CDK14: variants seen among roughly 807,000 people sequenced by gnomAD.
CDK14 encodes the protein cyclin-dependent kinase 14.
A neutral mutation model predicts 60.7 loss-of-function variants in CDK14; 34 were observed. The observed-to-expected ratio is 0.56, with a 90% CI of 0.43 to 0.75. CDK14 has a LOEUF of 0.75. Among genes scored for constraint, CDK14 ranks in the 30% least tolerant of loss-of-function variants. The probability of loss-of-function intolerance (pLI) is 0.00; values close to 1 mark genes in which losing one functional copy is unlikely to be tolerated. For synonymous variants in CDK14, 197 were observed against 203.7 expected, an observed-to-expected ratio of 0.97 and a Z score of 0.28; for missense variants, 482 against 564.1, an observed-to-expected ratio of 0.85 and a Z score of 1.47.
chr7:90,987,278 C>A (rs1249940197), intron 10 of CDK14, among the ~76,000 whole-genome samples: 2 of 151,898 alleles, frequency 1.3e-5, no homozygotes, highest in Admixed American at 1.3e-4. Context: ...ATAAATAAAT[C>A]ATTTTAAATT....
At chr7:90,811,318 C>G (rs564238634) in intron 5 of CDK14, among the ~76,000 whole-genome samples, 41 of 151,864 alleles carry the variant, frequency 2.7e-4, no homozygotes, top group Non-Finnish European at 5.2e-4. Context: ...CGCCGCATAT[C>G]TACAACTATC....
chr7:90,890,626 A>G (rs1455025085), intron 6 of CDK14, among the ~76,000 whole-genome samples: 2 of 152,248 alleles, frequency 1.3e-5, no homozygotes, highest in Non-Finnish European at 2.9e-5. Flanking sequence ...AAAGCATAAC[A>G]GGGAAAAGTG....
chr7:90,956,138 G>A (rs907040901), intron 9 of CDK14, among the ~76,000 whole-genome samples: 3 of 152,038 alleles, frequency 2.0e-5, no homozygotes, highest in African/African-American at 7.2e-5. Context: ...ATCTCCAGAC[G>A]GCAACAGGAT....
chr7:90,666,936 G>A (rs1170554415), intron 2 of CDK14, among the ~76,000 whole-genome samples: 2 of 152,138 alleles, frequency 1.3e-5, no homozygotes, highest in Non-Finnish European at 2.9e-5. Flanking sequence ...AGAGAGAAGA[G>A]GACAATGAAT....
intron 2 of CDK14, among the ~76,000 whole-genome samples, chr7:90,643,293 TTAG>T (rs1395317291): frequency 6.6e-6 from 1 of 152,248 alleles, no homozygotes; most frequent in Non-Finnish European, 1.5e-5. Flanking sequence ...AATTTATTCA[TTAG>T]TACATTTGGT....
At chr7:90,810,164 C>CA (rs993262211) in intron 5 of CDK14, among the ~76,000 whole-genome samples, 7 of 151,932 alleles carry the variant, frequency 4.6e-5, no homozygotes, top group African/African-American at 1.7e-4. Flanking sequence ...AGAGACACAA[C>CA]AAAAAAAGAG....
intron 5 of CDK14, among the ~76,000 whole-genome samples, chr7:90,826,963 G>A (rs1239083983): frequency 5.2e-5 from 1 of 19,284 alleles, no homozygotes; most frequent in East Asian, 0.033. Flanking sequence ...AGTGCATGAT[G>A]TATTTACATA....
intron 6 of CDK14, among the ~76,000 whole-genome samples, chr7:90,884,111 T>C (rs1050551939): frequency 1.3e-5 from 2 of 152,086 alleles, no homozygotes; most frequent in Non-Finnish European, 2.9e-5. Flanking sequence ...GAGAAAGAAA[T>C]AAAGGGTATT....
chr7:90,739,637 G>A (rs1442316862), intron 3 of CDK14, among the ~76,000 whole-genome samples: 1 of 152,102 alleles, frequency 6.6e-6, no homozygotes, highest in Non-Finnish European at 1.5e-5. Context: ...CTTACTCTAA[G>A]TAGTCATTAG....
chr7:90,881,994 TA>T (rs1791771072), intron 6 of CDK14, among the ~76,000 whole-genome samples: 1 of 151,910 alleles, frequency 6.6e-6, no homozygotes, highest in South Asian at 2.1e-4. Context: ...CACCAAAATA[TA>T]AAGACCAATG....
chr7:90,709,347 T>A, intron 2 of CDK14: 3 of 1,205,438 alleles, frequency 2.5e-6, no homozygotes, highest in East Asian at 2.9e-5. Context: ...CTCAGGACAC[T>A]TACTGGCTTT....
At chr7:90,675,193 A>G (rs1411459183) in intron 2 of CDK14, among the ~76,000 whole-genome samples, 1 of 151,918 alleles carries the variant, frequency 6.6e-6, no homozygotes, top group East Asian at 1.9e-4. Flanking sequence ...CCTTTCCTAT[A>G]TAGTAGGGAT....
At chr7:90,772,930 T>C (rs1272881998) in intron 4 of CDK14, among the ~76,000 whole-genome samples, 1 of 152,200 alleles carries the variant, frequency 6.6e-6, no homozygotes, top group African/African-American at 2.4e-5. Flanking sequence ...GACACACATG[T>C]TGAAGAATTT....
Position 90,876,192 on chromosome 7 carries a change from A to G in CDK14, c.639+12923A>G, listed in dbSNP as rs112010821. 8.6e-3 allele frequency among the ~76,000 whole-genome samples: 1,305 copies of G among 152,288 alleles called. 29 individuals are homozygous for G. The highest frequency in any genetic ancestry group is 0.029 in the African/African-American group (1,222 of 41,552). On this transcript the variant is annotated intron_variant, in intron 6 of 14. Transcript: ENST00000380050. The stretch of plus-strand genomic sequence containing the variant: ...AAGTCATATTGTTGAGAAACCCTCA[A>G]TGCCAGTATCCGTCTTTCCTGTGAT...
At chr7:90,763,487 G>T (rs1486168356) in intron 4 of CDK14, among the ~76,000 whole-genome samples, 3 of 152,128 alleles carry the variant, frequency 2.0e-5, no homozygotes, top group Non-Finnish European at 4.4e-5. Context: ...ATAGAGTTTG[G>T]TTTTTATTCT....
chr7:90,792,923 C>T (rs747683227), intron 5 of CDK14, among the ~76,000 whole-genome samples: 1 of 152,186 alleles, frequency 6.6e-6, no homozygotes, highest in Non-Finnish European at 1.5e-5. Flanking sequence ...ATGCTCTTCC[C>T]TGGCTCTTTT....
intron 11 of CDK14, among the ~76,000 whole-genome samples, chr7:91,054,370 G>C (rs1272197545): frequency 6.6e-6 from 1 of 152,028 alleles, no homozygotes; most frequent in Non-Finnish European, 1.5e-5. Context: ...AGGGTATTTA[G>C]AGCTCTCCCC....
intron 10 of CDK14, among the ~76,000 whole-genome samples, chr7:90,992,772 C>G (rs1795576884): frequency 6.6e-6 from 1 of 152,116 alleles, no homozygotes; most frequent in African/African-American, 2.4e-5. Context: ...GAACATTCTC[C>G]CATGTATTGA....
At chr7:90,771,480 GA>G (rs1804781069) in intron 4 of CDK14, among the ~76,000 whole-genome samples, 1 of 152,218 alleles carries the variant, frequency 6.6e-6, no homozygotes. Flanking sequence ...GAGTAAGTCA[GA>G]GTAGAATTTT....
Sources: gnomAD v4.1 joint callset for allele counts (sites outside exome capture counted in the v4.1 genomes callset) on GRCh38, gnomAD v4.1.1 for gene constraint, MANE v1.5 for transcripts, NCBI Gene and HGNC (gene_info 2026-07-23, HGNC 2026-07-21) for gene names.